RAD21L1: variants seen among roughly 807,000 people sequenced by gnomAD.
RAD21L1 encodes double-strand-break repair protein rad21-like protein 1.
In RAD21L1, 47 loss-of-function variants were observed where a neutral mutation model predicts 69.0. The ratio of observed to expected loss-of-function variants is 0.68; its 90% CI spans 0.54 to 0.87. The LOEUF (loss-of-function observed/expected upper bound fraction) is 0.87. Among genes scored for constraint, RAD21L1 ranks in the 40% least tolerant of loss-of-function variants. The pLI, the probability that RAD21L1 is intolerant of heterozygous loss-of-function variation, is 0.00. For missense variants in RAD21L1, 583 were observed against 647.6 expected (o/e 0.90, Z 1.08); for synonymous variants, 177 against 205.8 (o/e 0.86, Z 1.20).
rs1476030555 is a variant in RAD21L1 at position 1,244,054 on chromosome 20, A to G, written c.1192A>G (p.Met398Val). 2 of 1,549,480 alleles carry G rather than the reference A, an allele frequency of 1.3e-6. No individual in the cohort carries two copies. The highest frequency in any genetic ancestry group is 3.9e-5 in the Admixed American group (2 of 50,826). ...TTTCCTTGATAATTCAGAGACATCCATGATGCAAGAGCCAAATTACCAGCA... is the reference window on the plus strand; with the variant it reads ...TTTCCTTGATAATTCAGAGACATCCGTGATGCAAGAGCCAAATTACCAGCA... ...VGNQNIVETS[M>V]MQEPNYQQEL... The change falls in exon 11 of 14, where the codon ATG becomes GTG. Residue 398 changes from methionine to valine, a missense_variant. Met to Val is a conservative substitution (Grantham distance 21). Transcript: ENST00000683101.
In RAD21L1 at chr20:1,246,440, A is replaced by G. The variant is rs2087719840; in HGVS notation, c.1401+135A>G. 3 of 421,704 alleles carry G rather than the reference A, an allele frequency of 7.1e-6. No homozygotes were observed. Among genetic ancestry groups the G allele is most frequent in the Non-Finnish European group, 1.3e-5 (3 of 237,532 alleles). The allele number at this position is 421,704 out of a possible 1,614,324, so 26.1% of individuals were successfully genotyped here. A position where few individuals can be genotyped will look rare whatever the true frequency, so the allele number is the denominator to read the frequency against. On this transcript the variant is annotated intron_variant, in intron 12 of 13. Coordinates refer to ENST00000683101, the MANE Select transcript of RAD21L1 (RefSeq NM_001384355.1). The surrounding 1 kb of genome is among the most constrained non-coding windows in gnomAD (Gnocchi z 4.6). ...TTTATAATTTAAATTTGTGATTACA[A>G]CAGAGATGTTTGTGAATAGTTTGAT...
At chr20:1,238,334 T>A in intron 6 of RAD21L1, 120 bp downstream of exon 6, 2 of 669,480 alleles carry the variant, frequency 3.0e-6, no homozygotes, top group Non-Finnish European at 4.4e-6. Flanking sequence ...TGTAGGTCAA[T>A]ACTTTTTTTT....
At position 1,244,029 on chromosome 20, in the gene RAD21L1, T is replaced by C. The variant is rs1185899273; in HGVS notation, c.1184-17T>C. 4 of 1,545,716 alleles carry C rather than the reference T, an allele frequency of 2.6e-6. No homozygotes were observed. Among genetic ancestry groups the C allele is most frequent in the South Asian group, 2.4e-5 (2 of 82,928 alleles). ...AGATATTTTGGTGAAATTGTCTTTA[T>C]TTCCTTGATAATTCAGAGACATCCA... On this transcript the variant is annotated splice_polypyrimidine_tract_variant and intron_variant, in intron 10 of 13. Transcript: ENST00000683101.
At chr20:1,253,249 G>A (rs7271372) in intron 13 of RAD21L1, among the ~76,000 whole-genome samples, 9,258 of 152,232 alleles carry the variant, frequency 0.061, 387 homozygotes, top group South Asian at 0.1. Context: ...ACTATCCAGC[G>A]TGTATGATTC....
At chr20:1,235,968 A>G (rs1212819126) in intron 5 of RAD21L1, among the ~76,000 whole-genome samples, 1 of 151,968 alleles carries the variant, frequency 6.6e-6, no homozygotes, top group African/African-American at 2.4e-5. Flanking sequence ...GAGTTTCACC[A>G]TGTTGGCCAG....
intron 10 of RAD21L1, among the ~76,000 whole-genome samples, chr20:1,243,566 G>A (rs2087661402): frequency 6.6e-6 from 1 of 152,116 alleles, no homozygotes; most frequent in Admixed American, 6.6e-5. Context: ...AGTCATGTAA[G>A]GATAAGAACA....
At chr20:1,251,786 TACTA>T (rs1252752970) in intron 13 of RAD21L1, among the ~76,000 whole-genome samples, 1 of 152,180 alleles carries the variant, frequency 6.6e-6, no homozygotes, top group East Asian at 1.9e-4. Context: ...TTTTCTTGGT[TACTA>T]ACTATTCTTT....
chr20:1,249,210 A>G (rs763445596), intron 13 of RAD21L1, among the ~76,000 whole-genome samples: 81 of 152,122 alleles, frequency 5.3e-4, no homozygotes, highest in Admixed American at 3.9e-4. Context: ...TTATATCTAT[A>G]TTCTTAATAA....
At chr20:1,251,076 A>G (rs950806264) in intron 13 of RAD21L1, among the ~76,000 whole-genome samples, 3 of 152,132 alleles carry the variant, frequency 2.0e-5, no homozygotes, top group African/African-American at 7.2e-5. Flanking sequence ...ACATCCTTTC[A>G]TAATTTCCTG....
chr20:1,239,437 T>A, intron 7 of RAD21L1, 30 bp downstream of exon 7: 1 of 1,189,908 alleles, frequency 8.4e-7, no homozygotes, highest in Non-Finnish European at 1.2e-6. Flanking sequence ...TATGAGAAAG[T>A]AATGGGTTAC....
chr20:1,254,216 C>T lies in RAD21L1; in HGVS notation c.1480-53C>T, dbSNP rs886258084. The T allele has an allele frequency of 3.9e-6, 5 of 1,277,384 alleles. No individual in the cohort carries two copies. In the African/African-American group the frequency reaches 6.0e-5, roughly 15 times the overall value. The allele number at this position is 1,277,384 out of a possible 1,614,324, so 79.1% of individuals were successfully genotyped here. A position where few individuals can be genotyped will look rare whatever the true frequency, so the allele number is the denominator to read the frequency against. ...TATTACGCATTTATAGCCGGCTTTA[C>T]TTCTAATGATCTTGTTTCCCATTTC... On this transcript the variant is annotated intron_variant, in intron 13 of 13. Transcript: ENST00000683101.
In RAD21L1 at chr20:1,231,608, C is replaced by T. The variant is rs768193770; in HGVS notation, c.357C>T (p.Thr119=). The change falls in exon 4 of 14, where the codon ACC becomes ACT. Residue 119 remains threonine, a synonymous_variant. Transcript: ENST00000683101. ...CAGAAGAATTTCATGATTTTGACAC[C>T]CAAAATATGAAGTAAAATATTTTAT... ...TLPEEFHDFD[T]QNMNAIDVSE... 1 of 1,418,034 alleles carries T rather than the reference C, an allele frequency of 7.1e-7. No homozygotes were observed. The highest frequency in any genetic ancestry group is 1.3e-5 in the South Asian group (1 of 77,776). The allele number at this position is 1,418,034 out of a possible 1,614,324, so 87.8% of individuals were successfully genotyped here. A position where few individuals can be genotyped will look rare whatever the true frequency, so the allele number is the denominator to read the frequency against.
intron 13 of RAD21L1, among the ~76,000 whole-genome samples, chr20:1,249,301 A>G (rs1223258570): frequency 6.6e-6 from 1 of 152,190 alleles, no homozygotes; most frequent in Non-Finnish European, 1.5e-5. Flanking sequence ...CAAAAGTTTA[A>G]CTTAGTTACC....
At chr20:1,243,388 T>C (rs960886279) in intron 10 of RAD21L1, among the ~76,000 whole-genome samples, 192 bp downstream of exon 10, 1 of 152,226 alleles carries the variant, frequency 6.6e-6, no homozygotes, top group African/African-American at 2.4e-5. Flanking sequence ...GATTAATTTT[T>C]GTCCCAGAGA....
chr20:1,235,982 G>T (rs546338628), intron 5 of RAD21L1, among the ~76,000 whole-genome samples: 1 of 152,020 alleles, frequency 6.6e-6, no homozygotes, highest in Non-Finnish European at 1.5e-5. Context: ...TGGCCAGGCT[G>T]GTTTTGAACT....
chr20:1,226,590 T>TCCCCTTCCGA (rs2087266128), intron 1 of RAD21L1, among the ~76,000 whole-genome samples: 1 of 151,446 alleles, frequency 6.6e-6, no homozygotes, highest in Admixed American at 6.6e-5. Flanking sequence ...CCCCGCCCGG[T>TCCCCTTCCGA]CCCCTTCCGA....
In RAD21L1 at chr20:1,240,321, T is replaced by G; in HGVS notation, c.743T>G (p.Val248Gly). ...LPSEPPNSLA[V>G]EPDNSECICV... is the part of the protein sequence containing the mutation. ...TTACTTTTATGTGGATGTTGATTAGTTGAACCAGATAACTCAGAGTGTATA... is the reference window on the plus strand; with the variant it reads ...TTACTTTTATGTGGATGTTGATTAGGTGAACCAGATAACTCAGAGTGTATA... The change falls in exon 8 of 14, where the codon GTT becomes GGT. Residue 248 changes from valine (V) to glycine (G), a missense_variant and splice_region_variant. Transcript: ENST00000683101. 1 of 1,532,236 alleles carries G rather than the reference T, an allele frequency of 6.5e-7. No individual in the cohort carries two copies. The allele number at this position is 1,532,236 out of a possible 1,614,324, so 94.9% of individuals were successfully genotyped here.
intron 13 of RAD21L1, among the ~76,000 whole-genome samples, chr20:1,250,345 C>T (rs891474308): frequency 1.1e-4 from 16 of 151,668 alleles, no homozygotes; most frequent in Non-Finnish European, 2.2e-4. Context: ...TGTTGGTGTG[C>T]TGCACCCATT....
chr20:1,231,126 A>G (rs2087381651), intron 3 of RAD21L1, among the ~76,000 whole-genome samples: 2 of 152,232 alleles, frequency 1.3e-5, no homozygotes, highest in Non-Finnish European at 2.9e-5. Flanking sequence ...CCCTGAGGGA[A>G]TAGCATTCTA....
Sources: allele counts gnomAD v4.1 joint callset (sites outside exome capture counted in the v4.1 genomes callset), GRCh38; gene constraint gnomAD v4.1.1; non-coding constraint Gnocchi (gnomAD v3.1); transcripts MANE v1.5; gene names NCBI Gene and HGNC (gene_info 2026-07-23, HGNC 2026-07-21).